GRID2: variants seen among roughly 807,000 people sequenced by gnomAD.
GRID2 encodes glutamate ionotropic receptor delta type subunit 2.
In GRID2, 33 loss-of-function variants were observed where a neutral mutation model predicts 114.8. The observed-to-expected ratio is 0.29, with a 90% CI of 0.22 to 0.38. GRID2 has a LOEUF of 0.38. GRID2 is among the 10% of genes least tolerant of loss of function. The pLI is 1.00. For synonymous variants in GRID2, 505 were observed against 449.9 expected, an observed-to-expected ratio of 1.12 and a Z score of -1.55; for missense variants, 1,184 against 1,257.7, an observed-to-expected ratio of 0.94 and a Z score of 0.89.
At chr4:92,549,481 A>G (rs956368668) in intron 1 of GRID2, among the ~76,000 whole-genome samples, 1 of 152,076 alleles carries the variant, frequency 6.6e-6, no homozygotes, top group South Asian at 2.1e-4. Flanking sequence ...CTATCTGACA[A>G]TTCTTAGTCT....
chr4:92,558,661 T>C (rs1292119554), intron 1 of GRID2, among the ~76,000 whole-genome samples: 1 of 152,152 alleles, frequency 6.6e-6, no homozygotes, highest in Admixed American at 6.6e-5. Flanking sequence ...TTTGTTGTGC[T>C]TTTATCAAAG....
At chr4:93,417,292 T>G (rs182172412) in intron 9 of GRID2, among the ~76,000 whole-genome samples, 104 of 152,228 alleles carry the variant, frequency 6.8e-4, no homozygotes, top group Non-Finnish European at 1.3e-3. Context: ...AAAATTACTT[T>G]CTTACTATCC....
intron 13 of GRID2, among the ~76,000 whole-genome samples, chr4:93,605,778 A>G (rs1039502690): frequency 3.1e-4 from 47 of 152,356 alleles, no homozygotes; most frequent in African/African-American, 1.1e-3. Context: ...GTTACATGGC[A>G]TAGAACAAAG....
intron 2 of GRID2, among the ~76,000 whole-genome samples, chr4:92,779,410 C>A: frequency 6.6e-6 from 1 of 152,100 alleles, no homozygotes; most frequent in Middle Eastern, 3.4e-3. Flanking sequence ...TTTCTCATTA[C>A]TTTCTTTCTA....
chr4:93,540,769 C>T (rs573692037), intron 13 of GRID2, among the ~76,000 whole-genome samples: 1 of 152,310 alleles, frequency 6.6e-6, no homozygotes, highest in African/African-American at 2.4e-5. Context: ...AGTCCAGCTA[C>T]AGCTGTCTTC....
At chr4:93,065,215 A>T (rs1180464145) in intron 2 of GRID2, among the ~76,000 whole-genome samples, 1 of 151,898 alleles carries the variant, frequency 6.6e-6, no homozygotes, top group African/African-American at 2.4e-5. Flanking sequence ...ATCATAACCT[A>T]GTTTTAAAAT....
rs1560481851 is a variant in GRID2, at chr4:92,600,039, T to TAA, written c.244+9753_244+9754insAA. On this transcript the variant is annotated intron_variant, in intron 2 of 15. Transcript: ENST00000282020. ...TACTTCATGTATGTGTGTGTGTGTGTGTGTGTATATATATATATATATATA... is the reference window on the plus strand; with the variant it reads ...TACTTCATGTATGTGTGTGTGTGTGTAAGTGTGTATATATATATATATATATA... Among the ~76,000 whole-genome samples the TAA allele has an allele frequency of 4.0e-3, 318 of 80,486 alleles. 4 individuals are homozygous for TAA. The highest frequency in any genetic ancestry group is 0.02 in the Middle Eastern group (3 of 150). 52.8% of individuals were successfully genotyped at this position (80,486 alleles called of 152,430 possible). A position where few individuals can be genotyped will look rare whatever the true frequency, so the allele number is the denominator to read the frequency against.
At chr4:92,974,563 C>A (rs910740446) in intron 2 of GRID2, among the ~76,000 whole-genome samples, 1 of 152,060 alleles carries the variant, frequency 6.6e-6, no homozygotes, top group Non-Finnish European at 1.5e-5. Context: ...TGGAAACCAT[C>A]ATTCTCAGCA....
intron 3 of GRID2, among the ~76,000 whole-genome samples, chr4:93,103,486 T>C (rs1341059334): frequency 1.3e-5 from 2 of 152,140 alleles, no homozygotes; most frequent in African/African-American, 4.8e-5. Context: ...TATCTTTTTA[T>C]CTAAAATTTT....
intron 1 of GRID2, among the ~76,000 whole-genome samples, chr4:92,495,622 G>A (rs952066599): frequency 4.6e-5 from 7 of 151,924 alleles, no homozygotes; most frequent in African/African-American, 1.7e-4. Context: ...GCATCATGGA[G>A]GCTGAATGAA....
At chr4:93,432,292 A>G (rs1769488012) in intron 10 of GRID2, among the ~76,000 whole-genome samples, 1 of 152,222 alleles carries the variant, frequency 6.6e-6, no homozygotes. Flanking sequence ...AAATGTTCAT[A>G]TCAAGGTTGA....
At chr4:92,806,307 A>G (rs1458855396) in intron 2 of GRID2, among the ~76,000 whole-genome samples, 3 of 151,772 alleles carry the variant, frequency 2.0e-5, no homozygotes, top group Admixed American at 6.6e-5. Flanking sequence ...TCTCTTACAC[A>G]AAGAATTTTT....
At chr4:92,922,008 C>T (rs1749389727) in intron 2 of GRID2, among the ~76,000 whole-genome samples, 1 of 152,214 alleles carries the variant, frequency 6.6e-6, no homozygotes, top group South Asian at 2.1e-4. Flanking sequence ...GTTCAAGCTT[C>T]CTGGCCACTT....
At chr4:92,985,976 C>T (rs887615307) in intron 2 of GRID2, among the ~76,000 whole-genome samples, 2 of 152,134 alleles carry the variant, frequency 1.3e-5, no homozygotes, top group South Asian at 4.1e-4. Context: ...TTCCTACATT[C>T]TCATGCATAT....
intron 4 of GRID2, among the ~76,000 whole-genome samples, chr4:93,163,374 A>ATG (rs1560941651): frequency 3.4e-4 from 16 of 47,448 alleles, no homozygotes; most frequent in African/African-American, 1.6e-3. Flanking sequence ...ATATATATAT[A>ATG]TATATATATA....
intron 10 of GRID2, among the ~76,000 whole-genome samples, chr4:93,451,833 T>A (rs1722713214): frequency 6.6e-6 from 1 of 152,088 alleles, no homozygotes; most frequent in Non-Finnish European, 1.5e-5. Context: ...CTAACAAGTT[T>A]TATGACTTAT....
chr4:93,310,671 A>C (rs1005831253), intron 8 of GRID2, among the ~76,000 whole-genome samples: 6 of 152,344 alleles, frequency 3.9e-5, no homozygotes, highest in Admixed American at 3.9e-4. Flanking sequence ...TAATAAAGCA[A>C]TGCTAAATGT....
At chr4:92,946,254 T>C (rs1379990221) in intron 2 of GRID2, among the ~76,000 whole-genome samples, 1 of 152,110 alleles carries the variant, frequency 6.6e-6, no homozygotes, top group Non-Finnish European at 1.5e-5. Flanking sequence ...TATATACCTA[T>C]TCCCAAAAGT....
chr4:93,073,121 A>C (rs1728954769), intron 2 of GRID2, among the ~76,000 whole-genome samples: 1 of 152,184 alleles, frequency 6.6e-6, no homozygotes, highest in Non-Finnish European at 1.5e-5. Context: ...AGTTTAGTGC[A>C]ATACTGCAAA....
Sources: gnomAD v4.1 joint callset for allele counts (sites outside exome capture counted in the v4.1 genomes callset) on GRCh38, gnomAD v4.1.1 for gene constraint, MANE v1.5 for transcripts, NCBI Gene and HGNC (gene_info 2026-07-23, HGNC 2026-07-21) for gene names.